MYL1: variants seen among roughly 807,000 people sequenced by gnomAD.
The protein encoded by MYL1 is myosin light chain 1/3, skeletal muscle isoform.
MYL1 carries 16 observed loss-of-function variants against 21.8 expected under a neutral mutation model. The observed-to-expected ratio is 0.74, with a 90% CI of 0.50 to 1.12. The LOEUF is 1.12. MYL1 is among the 50% of genes most tolerant of loss of function. The pLI, the probability that MYL1 is intolerant of heterozygous loss-of-function variation, is 0.00. For missense variants in MYL1, 246 were observed against 241.0 expected (o/e 1.02, Z -0.14); for synonymous variants, 99 against 85.2 (o/e 1.16, Z -0.89).
chr2:210,301,928 C>T (rs1230377395), intron 2 of MYL1, among the ~76,000 whole-genome samples: 1 of 152,136 alleles, frequency 6.6e-6, no homozygotes, highest in Non-Finnish European at 1.5e-5. Flanking sequence ...GTCTGTCTTG[C>T]ATATCTCAGG....
At chr2:210,303,278 T>C (rs1690291456) in intron 1 of MYL1, among the ~76,000 whole-genome samples, 1 of 152,198 alleles carries the variant, frequency 6.6e-6, no homozygotes, top group African/African-American at 2.4e-5. Context: ...AATTTAGATA[T>C]AATGAATCTT....
In MYL1 at chr2:210,302,773, A is replaced by G. The variant is rs1418950951; in HGVS notation, c.133-258T>C. ...GACAAACTCAATTCACTTACCAGCAATCTGGTCAGCACTGAAGGACTGCAG... is the reference window on the plus strand; with the variant it reads ...GACAAACTCAATTCACTTACCAGCAGTCTGGTCAGCACTGAAGGACTGCAG... On this transcript the variant is annotated intron_variant, in intron 1 of 6. Coordinates refer to ENST00000352451, the MANE Select transcript of MYL1 (RefSeq NM_079420.3). 5 of 1,566,468 alleles carry G rather than the reference A, an allele frequency of 3.2e-6. No individual in the cohort carries two copies. The African/African-American group carries it at 4.1e-5, about 13-fold the overall frequency.
At chr2:210,298,380 C>T (rs200716120) in intron 3 of MYL1, 40 bp downstream of exon 3, 4 of 1,572,624 alleles carry the variant, frequency 2.5e-6, no homozygotes, top group Middle Eastern at 1.7e-4. Context: ...CTACACACTT[C>T]CCTATACTTC....
intron 1 of MYL1, among the ~76,000 whole-genome samples, chr2:210,311,913 C>A (rs1690424668): frequency 6.6e-6 from 1 of 151,910 alleles, no homozygotes; most frequent in Non-Finnish European, 1.5e-5. Flanking sequence ...GAAAAGGGTA[C>A]TCATAGAAAA....
intron 1 of MYL1, among the ~76,000 whole-genome samples, chr2:210,307,698 A>G (rs1274581308): frequency 1.3e-5 from 2 of 152,198 alleles, no homozygotes; most frequent in Non-Finnish European, 2.9e-5. Context: ...AGGTAACAGT[A>G]GTCTACAACA....
At chr2:210,298,082 A>G (rs981182315) in intron 3 of MYL1, among the ~76,000 whole-genome samples, 4 of 152,148 alleles carry the variant, frequency 2.6e-5, no homozygotes, top group Non-Finnish European at 5.9e-5. Flanking sequence ...TTAATTATGA[A>G]CATTCGAAAT....
chr2:210,304,392 A>G (rs982654966), intron 1 of MYL1, among the ~76,000 whole-genome samples: 2 of 151,912 alleles, frequency 1.3e-5, no homozygotes, highest in African/African-American at 4.8e-5. Context: ...CTCTCATCCT[A>G]TACATTTTTT....
chr2:210,301,359 T>C (rs926390205), intron 2 of MYL1, among the ~76,000 whole-genome samples: 2 of 152,132 alleles, frequency 1.3e-5, no homozygotes, highest in African/African-American at 2.4e-5. Context: ...GAGTCTGTAC[T>C]ACAGTAAATA....
intron 2 of MYL1, among the ~76,000 whole-genome samples, chr2:210,299,889 A>T (rs890788352): frequency 3.3e-5 from 5 of 152,144 alleles, no homozygotes; most frequent in Non-Finnish European, 5.9e-5. Context: ...TGCTGTCTAG[A>T]TAGATTACTC....
In MYL1 at chr2:210,298,512, G is replaced by T; in HGVS notation, c.212C>A (p.Thr71Asn). 2 of 1,614,058 alleles carry T rather than the reference G, an allele frequency of 1.2e-6. No individual in the cohort carries two copies. Among genetic ancestry groups the T allele is most frequent in the Non-Finnish European group, 1.7e-6 (2 of 1,179,988 alleles). ...LFDRTGDSKI[T>N]LSQVGDVLRA... ...AAGGACATCACCGACCTGGCTTAAG[G>T]TGATCTTGGAATCACCTGTTCTGTC... The change falls in exon 3 of 7, where the codon ACC becomes AAC. Residue 71 changes from threonine (T) to asparagine (N), a missense_variant. Physicochemically the swap from Thr to Asn is moderately conservative, Grantham distance 65. Transcript: ENST00000352451.
At chr2:210,303,785 A>G (rs1690300081) in intron 1 of MYL1, among the ~76,000 whole-genome samples, 1 of 152,100 alleles carries the variant, frequency 6.6e-6, no homozygotes, top group Non-Finnish European at 1.5e-5. Context: ...GATGACCAGA[A>G]CCTTGGAGTA....
rs554741841 is a variant in MYL1 at position 210,312,788 on chromosome 2, G to A, written c.132+2123C>T. Among the ~76,000 whole-genome samples the A allele has an allele frequency of 2.0e-5, 3 of 151,674 alleles. No homozygotes were observed. The South Asian group carries it at 6.3e-4, about 32-fold the overall frequency. On this transcript the variant is annotated intron_variant, in intron 1 of 6. Transcript: ENST00000352451. ...TCTTTTTGATTTGTGTCCCTTACTA[G>A]AATCCATCACATCTCTTGTTCTGCA...
At chr2:210,294,185 C>T in intron 4 of MYL1, 60 bp downstream of exon 4, 1 of 1,421,132 alleles carries the variant, frequency 7.0e-7, no homozygotes, top group Non-Finnish European at 9.4e-7. Flanking sequence ...CATGATTCTC[C>T]TGTCATGTTC....
intron 1 of MYL1, among the ~76,000 whole-genome samples, chr2:210,311,739 C>T (rs751936542): frequency 1.3e-5 from 2 of 152,036 alleles, no homozygotes; most frequent in Non-Finnish European, 2.9e-5. Flanking sequence ...TTTGAACCTA[C>T]AACCATACTT....
intron 1 of MYL1, among the ~76,000 whole-genome samples, chr2:210,305,672 A>C (rs754171718): frequency 3.3e-5 from 5 of 152,240 alleles, no homozygotes; most frequent in Non-Finnish European, 7.3e-5. Context: ...TTCATATTTA[A>C]TAATTTTTTT....
rs979925578 is a variant in MYL1, at chr2:210,291,580, T to A, written c.557-506A>T. Among the ~76,000 whole-genome samples the A allele has an allele frequency of 2.0e-5, 3 of 152,318 alleles. No homozygotes were observed. The East Asian group carries it at 5.8e-4, about 29-fold the overall frequency. On this transcript the variant is annotated intron_variant, in intron 5 of 6. Coordinates refer to ENST00000352451, the MANE Select transcript of MYL1 (RefSeq NM_079420.3). The stretch of plus-strand genomic sequence containing the variant: ...GACCACATAAATATGTTTCTAAAAA[T>A]CTTTTTACACAAAAAATGGCATACT...
chr2:210,313,911 G>A (rs534501470), intron 1 of MYL1, among the ~76,000 whole-genome samples: 23 of 152,148 alleles, frequency 1.5e-4, no homozygotes, highest in East Asian at 3.9e-4. Context: ...TTTGGCTTAA[G>A]TGAAAAGTTC....
At chr2:210,298,653 T>A in intron 2 of MYL1, 90 bp from the exon 3 acceptor site, 1 of 1,442,900 alleles carries the variant, frequency 6.9e-7, no homozygotes, top group African/African-American at 1.4e-5. Flanking sequence ...TTCAAACTCT[T>A]CAGTTTTACA....
chr2:210,290,773 C>T (rs1268585739), intron 6 of MYL1, among the ~76,000 whole-genome samples: 1 of 152,038 alleles, frequency 6.6e-6, no homozygotes, highest in Non-Finnish European at 1.5e-5. Context: ...GTTGAGTCTC[C>T]ACTGCATAAT....
Sources: gnomAD v4.1 joint callset for allele counts (sites outside exome capture counted in the v4.1 genomes callset) on GRCh38, gnomAD v4.1.1 for gene constraint, MANE v1.5 for transcripts, NCBI Gene and HGNC (gene_info 2026-07-23, HGNC 2026-07-21) for gene names.